PTPN13: variants seen among roughly 807,000 people sequenced by gnomAD.
PTPN13 encodes protein tyrosine phosphatase non-receptor type 13.
In PTPN13, 191 loss-of-function variants were observed where a neutral mutation model predicts 284.0. The observed-to-expected ratio is 0.67, with a 90% CI of 0.60 to 0.76. The LOEUF is 0.76. Among genes scored for constraint, PTPN13 ranks in the 30% least tolerant of loss-of-function variants. The pLI is 0.00. For missense variants in PTPN13, 2,797 were observed against 2,939.9 expected (o/e 0.95, Z 1.12); for synonymous variants, 986 against 1,022.3 (o/e 0.96, Z 0.68).
chr4:86,717,262 C>A, intron 9 of PTPN13, 145 bp downstream of exon 9: 2 of 582,462 alleles, frequency 3.4e-6, no homozygotes, highest in Non-Finnish European at 6.0e-6. Flanking sequence ...AATCTCGGCT[C>A]ACTGCAACCT....
chr4:86,682,661 G>A (rs1354582519), intron 3 of PTPN13, among the ~76,000 whole-genome samples: 3 of 152,038 alleles, frequency 2.0e-5, no homozygotes, highest in African/African-American at 7.2e-5. Flanking sequence ...ATCTATTGCT[G>A]CTATTTATTA....
In PTPN13 at chr4:86,663,513, C is replaced by T. The variant is rs955336064; in HGVS notation, c.116-8852C>T. The stretch of plus-strand genomic sequence containing the variant: ...CAAAGGGCACCTCTTGAATGAAGGT[C>T]TTATGACCTATTTCAGAGGAAAAGG... On this transcript the variant is annotated intron_variant, in intron 2 of 47. Transcript: ENST00000411767. Among the ~76,000 whole-genome samples the T allele has an allele frequency of 8.5e-5, 13 of 152,260 alleles. No individual in the cohort carries two copies. The South Asian group carries it at 2.7e-3, about 32-fold the overall frequency.
intron 6 of PTPN13, among the ~76,000 whole-genome samples, chr4:86,696,603 C>T (rs1730622261): frequency 6.6e-6 from 1 of 151,760 alleles, no homozygotes; most frequent in Non-Finnish European, 1.5e-5. Flanking sequence ...CCTTAGAATT[C>T]TTATTATTAA....
In PTPN13 at chr4:86,771,342, G is replaced by A. The variant is rs1739975940; in HGVS notation, c.4975G>A (p.Gly1659Arg). 2 of 1,592,592 alleles carry A rather than the reference G, an allele frequency of 1.3e-6. No individual in the cohort carries two copies. Among genetic ancestry groups the A allele is most frequent in the Non-Finnish European group, 1.7e-6 (2 of 1,169,292 alleles). ...CAGTTACAGTGACAGCAGTGGGAGT[G>A]GAGAAGATGACTTAGTGACAGCTCC... ...RDSYSDSSGS[G>R]EDDLVTAPAN... Residue 1659 changes from glycine (G) to arginine (R), a missense_variant, in exon 31 of 48, where the codon GGA becomes AGA. By Grantham distance (125) the Gly-to-Arg change is moderately radical. Coordinates refer to ENST00000411767, the MANE Select transcript of PTPN13 (RefSeq NM_080683.3).
chr4:86,743,569 C>T (rs1736403445), intron 16 of PTPN13, among the ~76,000 whole-genome samples: 1 of 152,134 alleles, frequency 6.6e-6, no homozygotes, highest in Admixed American at 6.5e-5. Flanking sequence ...TCTTTAGCTC[C>T]TCTCTAATAC....
At chr4:86,620,804 T>C (rs1712365832) in intron 1 of PTPN13, among the ~76,000 whole-genome samples, 1 of 152,260 alleles carries the variant, frequency 6.6e-6, no homozygotes, top group South Asian at 2.1e-4. Context: ...GCAGGTCTAA[T>C]TTCGGGCTAG....
intron 23 of PTPN13, among the ~76,000 whole-genome samples, chr4:86,761,426 G>A (rs1019269044): frequency 9.2e-5 from 14 of 151,958 alleles, no homozygotes; most frequent in African/African-American, 2.9e-4. Context: ...GAAAATGTAT[G>A]TATTTCTAGA....
At position 86,764,640 on chromosome 4, in the gene PTPN13, T is replaced by C; in HGVS notation, c.4065T>C (p.Thr1355=). The C allele has an allele frequency of 6.3e-7, 1 of 1,580,206 alleles. No individual in the cohort carries two copies. Among genetic ancestry groups the C allele is most frequent in the African/African-American group, 1.3e-5 (1 of 74,146 alleles). ...CATCCAACAAGATGAATTTTAAAAC[T>C]TTTTCTTCATCACCTCCTAAGCCTG... ...VNTSNKMNFK[T]FSSSPPKPGD... is the part of the protein sequence containing the mutation. Residue 1355 remains threonine, a synonymous_variant, in exon 25 of 48, where the codon ACT becomes ACC. Transcript: ENST00000411767.
chr4:86,621,538 C>G (rs907430272), intron 1 of PTPN13, among the ~76,000 whole-genome samples: 1 of 152,080 alleles, frequency 6.6e-6, no homozygotes, highest in Non-Finnish European at 1.5e-5. Context: ...TTTTTGGTGG[C>G]AAAACCTGAC....
intron 2 of PTPN13, among the ~76,000 whole-genome samples, chr4:86,651,415 C>T (rs1188751090): frequency 2.0e-5 from 3 of 151,912 alleles, no homozygotes. Flanking sequence ...CCCTCCCTCC[C>T]TCCGTCCTTC....
intron 4 of PTPN13, among the ~76,000 whole-genome samples, chr4:86,687,077 CTTTAT>C (rs1729537320): frequency 6.6e-6 from 1 of 152,170 alleles, no homozygotes; most frequent in East Asian, 1.9e-4. Flanking sequence ...TGAGCGTGTA[CTTTAT>C]TTTATCTAAT....
In PTPN13 at chr4:86,740,521, C is replaced by T. The variant is rs532843582; in HGVS notation, c.2305-1113C>T. On this transcript the variant is annotated intron_variant, in intron 15 of 47. Coordinates refer to ENST00000411767, the MANE Select transcript of PTPN13 (RefSeq NM_080683.3). ...CTACACAGCAGAGGGACCCTGGGCC[C>T]GGCCCACAAAACCATTTTTTCCTCC... Among the ~76,000 whole-genome samples, 20 of 152,240 alleles carry T rather than the reference C, an allele frequency of 1.3e-4. No individual in the cohort carries two copies. In the East Asian group the frequency reaches 2.1e-3, roughly 16 times the overall value.
At chr4:86,800,547 G>A (rs1743898177) in intron 42 of PTPN13, among the ~76,000 whole-genome samples, 1 of 152,056 alleles carries the variant, frequency 6.6e-6, no homozygotes, top group Non-Finnish European at 1.5e-5. Context: ...AGCTACTCGG[G>A]AGGCTGAGAC....
At chr4:86,728,784 A>G (rs949053895) in intron 10 of PTPN13, among the ~76,000 whole-genome samples, 2 of 141,608 alleles carry the variant, frequency 1.4e-5, no homozygotes, top group Non-Finnish European at 3.1e-5. Context: ...ATGAGTCTTG[A>G]CTCTTTATCC....
Position 86,722,333 on chromosome 4 carries a change from C to CTA in PTPN13, c.1511_1512dup (p.Pro505IlefsTer18). ...GGCCCTTAGACAGTCTCGGTTGAGC[C>CTA]TATATCCAGGAGACACAATCAAAGC... On this transcript the variant is annotated frameshift_variant, in exon 10 of 48. Coordinates refer to ENST00000411767, the MANE Select transcript of PTPN13 (RefSeq NM_080683.3). LOFTEE classifies it high-confidence loss of function. 1 of 1,613,766 alleles carries CTA rather than the reference C, an allele frequency of 6.2e-7. No homozygotes were observed. Among genetic ancestry groups the CTA allele is most frequent in the Non-Finnish European group, 8.5e-7 (1 of 1,179,822 alleles).
chr4:86,716,154 A>G (rs1255506577), intron 7 of PTPN13, among the ~76,000 whole-genome samples: 1 of 152,240 alleles, frequency 6.6e-6, no homozygotes, highest in Non-Finnish European at 1.5e-5. Flanking sequence ...ATGCTTACAT[A>G]GTGTGTGCTC....
chr4:86,790,650 A>AC lies in PTPN13; in HGVS notation c.6345+4717dup, dbSNP rs535580004. 3.2e-4 allele frequency among the ~76,000 whole-genome samples: 48 copies of AC among 152,254 alleles called. 1 individual carries two copies. The South Asian group carries it at 9.7e-3, about 31-fold the overall frequency. On this transcript the variant is annotated intron_variant, in intron 40 of 47. Coordinates refer to ENST00000411767, the MANE Select transcript of PTPN13 (RefSeq NM_080683.3). ...ATGCTGAATTTTTTAGTAAGGATTC[A>AC]CCCTTAGAAGGGCTTTGTGGTAGGA...
chr4:86,745,181 GCCA>G, intron 17 of PTPN13, 53 bp downstream of exon 17: 2 of 1,525,032 alleles, frequency 1.3e-6, no homozygotes, highest in South Asian at 2.5e-5. Context: ...AATAATTTTT[GCCA>G]CCAAGTTTTA....
intron 2 of PTPN13, among the ~76,000 whole-genome samples, chr4:86,660,867 ATATT>A (rs1454744589): frequency 1.3e-5 from 2 of 152,182 alleles, no homozygotes; most frequent in African/African-American, 4.8e-5. Flanking sequence ...CCAGTTTTAT[ATATT>A]TAAATAGCCA....
Sources: allele counts gnomAD v4.1 joint callset (sites outside exome capture counted in the v4.1 genomes callset), GRCh38; gene constraint gnomAD v4.1.1; transcripts MANE v1.5; gene names NCBI Gene and HGNC (gene_info 2026-07-23, HGNC 2026-07-21).